Variants in SUPT3H observed in about 807,000 individuals in gnomAD.
SUPT3H encodes the protein transcription initiation protein SPT3 homolog.
In SUPT3H, 44 loss-of-function variants were observed where a neutral mutation model predicts 44.3. That is an observed-to-expected ratio of 0.99 (90% confidence interval 0.78 to 1.28). The LOEUF (loss-of-function observed/expected upper bound fraction) is 1.28, where lower values mean the gene tolerates loss of function less well. Among genes scored for constraint, SUPT3H ranks in the 50% most tolerant of loss-of-function variants. The pLI is 0.00. For synonymous variants in SUPT3H, 124 were observed against 125.6 expected (o/e 0.99, Z 0.09); for missense variants, 380 against 387.1 (o/e 0.98, Z 0.15).
At chr6:44,851,945 A>G (rs539564698) in intron 10 of SUPT3H, among the ~76,000 whole-genome samples, 8 of 152,302 alleles carry the variant, frequency 5.3e-5, no homozygotes, top group African/African-American at 1.7e-4. Flanking sequence ...TCTGCCAAAG[A>G]GACAAAGATT....
intron 2 of SUPT3H, among the ~76,000 whole-genome samples, chr6:45,352,660 G>C (rs1032213541): frequency 6.6e-6 from 1 of 152,050 alleles, no homozygotes; most frequent in African/African-American, 2.4e-5. Flanking sequence ...TGGAGCAACT[G>C]TACCTAGTAT....
chr6:45,221,600 A>G (rs1766067463), intron 2 of SUPT3H, among the ~76,000 whole-genome samples: 1 of 152,176 alleles, frequency 6.6e-6, no homozygotes. Flanking sequence ...AAATGGAGAC[A>G]CAGTTTATGT....
intron 2 of SUPT3H, among the ~76,000 whole-genome samples, chr6:45,258,864 T>A (rs1773857892): frequency 6.6e-6 from 1 of 152,184 alleles, no homozygotes; most frequent in African/African-American, 2.4e-5. Flanking sequence ...GGCTTCAAAG[T>A]ATCCCTTCCA....
chr6:44,936,322 A>C (rs528588075), intron 9 of SUPT3H, among the ~76,000 whole-genome samples: 1 of 152,358 alleles, frequency 6.6e-6, no homozygotes, highest in South Asian at 2.1e-4. Flanking sequence ...TAGTTCTTAT[A>C]TAACTAGAAA....
intron 2 of SUPT3H, among the ~76,000 whole-genome samples, chr6:45,114,869 G>A (rs1183852214): frequency 6.6e-6 from 1 of 152,088 alleles, no homozygotes; most frequent in East Asian, 1.9e-4. Context: ...GATGAAAAAT[G>A]AAAGCCCAAG....
At chr6:45,373,716 A>C (rs1796407860) in intron 1 of SUPT3H, among the ~76,000 whole-genome samples, 1 of 151,954 alleles carries the variant, frequency 6.6e-6, no homozygotes, top group African/African-American at 2.4e-5. Context: ...ATGCCCGGCT[A>C]ATTTTTTTGT....
chr6:45,091,840 T>G (rs1007902928), intron 3 of SUPT3H, among the ~76,000 whole-genome samples: 9 of 151,864 alleles, frequency 5.9e-5, no homozygotes, highest in Non-Finnish European at 1.3e-4. Flanking sequence ...GTCATTACAG[T>G]TTTGGGGAGA....
chr6:44,886,004 G>C (rs1187550395), intron 10 of SUPT3H, among the ~76,000 whole-genome samples: 2 of 152,190 alleles, frequency 1.3e-5, no homozygotes, highest in Admixed American at 6.5e-5. Context: ...TCAACTGGAA[G>C]AAAGGGTATC....
intron 2 of SUPT3H, among the ~76,000 whole-genome samples, chr6:45,182,245 TTTTTTA>T (rs1390051851): frequency 6.6e-6 from 1 of 152,188 alleles, no homozygotes; most frequent in Non-Finnish European, 1.5e-5. Context: ...TTTGTTTGCC[TTTTTTA>T]TTTTTATTTT....
At chr6:45,228,135 TCTG>T (rs1220417431) in intron 2 of SUPT3H, among the ~76,000 whole-genome samples, 4 of 152,216 alleles carry the variant, frequency 2.6e-5, no homozygotes, top group South Asian at 4.1e-4. Context: ...GCCAAAAATG[TCTG>T]CTTTTATTAT....
chr6:45,331,156 A>G (rs1787426881), intron 2 of SUPT3H, among the ~76,000 whole-genome samples: 1 of 151,862 alleles, frequency 6.6e-6, no homozygotes, highest in South Asian at 2.1e-4. Context: ...CTAGAGAAAG[A>G]GTATGTCTGT....
chr6:45,137,739 A>G (rs1013793684), intron 2 of SUPT3H, among the ~76,000 whole-genome samples: 3 of 151,974 alleles, frequency 2.0e-5, no homozygotes, highest in Non-Finnish European at 4.4e-5. Flanking sequence ...AAATAAAGAT[A>G]TAAGATTGAG....
intron 2 of SUPT3H, among the ~76,000 whole-genome samples, chr6:45,141,427 A>C (rs1279962317): frequency 6.6e-6 from 1 of 151,500 alleles, no homozygotes; most frequent in Non-Finnish European, 1.5e-5. Context: ...GGTGAAAAGC[A>C]ACTTAAATAA....
chr6:45,244,225 C>A (rs563522421), intron 2 of SUPT3H, among the ~76,000 whole-genome samples: 2 of 152,066 alleles, frequency 1.3e-5, no homozygotes, highest in Non-Finnish European at 2.9e-5. Context: ...GCACGGCCTC[C>A]GTAATTCACC....
At chr6:45,015,617 A>C (rs1428219966) in intron 4 of SUPT3H, among the ~76,000 whole-genome samples, 1 of 152,114 alleles carries the variant, frequency 6.6e-6, no homozygotes. Flanking sequence ...TACTTTATAG[A>C]CTTAATTTAA....
At chr6:45,100,962 A>C (rs1169385613) in intron 3 of SUPT3H, among the ~76,000 whole-genome samples, 2 of 152,206 alleles carry the variant, frequency 1.3e-5, no homozygotes, top group African/African-American at 2.4e-5. Context: ...CAACAGACGA[A>C]TGGATATCAA....
At chr6:45,287,459 C>T (rs919234127) in intron 2 of SUPT3H, among the ~76,000 whole-genome samples, 1 of 152,076 alleles carries the variant, frequency 6.6e-6, no homozygotes, top group Non-Finnish European at 1.5e-5. Context: ...CACTACAATA[C>T]GGATGAACCA....
intron 3 of SUPT3H, among the ~76,000 whole-genome samples, chr6:45,027,992 C>T (rs970605500): frequency 5.3e-5 from 8 of 152,152 alleles, no homozygotes; most frequent in Non-Finnish European, 7.4e-5. Flanking sequence ...TCTGAAAATT[C>T]GTGATGCTTC....
chr6:45,010,595 T>C (rs1300550013), intron 5 of SUPT3H, among the ~76,000 whole-genome samples: 1 of 152,168 alleles, frequency 6.6e-6, no homozygotes, highest in Admixed American at 6.5e-5. Flanking sequence ...AAGGTGCCAG[T>C]AGATTTAGTG....
Sources: allele counts gnomAD v4.1 joint callset (sites outside exome capture counted in the v4.1 genomes callset), GRCh38; gene constraint gnomAD v4.1.1; transcripts MANE v1.5; gene names NCBI Gene and HGNC (gene_info 2026-07-23, HGNC 2026-07-21).